The following ZNF469 variants were observed in gnomAD, a reference collection of about 807,000 sequenced individuals.
ZNF469 encodes zinc finger protein 469.
ZNF469 carries 1 observed loss-of-function variant against 1.0 expected under a neutral mutation model. The ratio of observed to expected loss-of-function variants is 1.00; its 90% CI spans 0.35 to 4.73. The LOEUF is 4.73. ZNF469 is among the 30% of genes most tolerant of loss of function. The probability of loss-of-function intolerance (pLI) is 0.16; values close to 1 mark genes in which losing one functional copy is unlikely to be tolerated. For missense variants in ZNF469, 6,100 were observed against 5,356.3 expected (o/e 1.14, Z -4.33); for synonymous variants, 2,703 against 2,363.4 (o/e 1.14, Z -4.17).
At chr16:88,259,848 C>G in the ZNF469 span, among the ~76,000 whole-genome samples, 5 of 152,246 alleles carry the variant, frequency 3.3e-5, no homozygotes, top group African/African-American at 4.8e-5. The surrounding 1 kb of genome is among the most constrained non-coding windows in gnomAD (Gnocchi z 4.1). Context: ...TCCTGGACAT[C>G]TGAGCAGCAG....
At chr16:88,164,522 T>C in the ZNF469 span, among the ~76,000 whole-genome samples, 19 of 152,224 alleles carry the variant, frequency 1.2e-4, no homozygotes, top group Non-Finnish European at 8.8e-5. Flanking sequence ...GATGAATGTG[T>C]GGGTGGATGG....
chr16:88,322,013 G>A, the ZNF469 span, among the ~76,000 whole-genome samples: 1 of 152,236 alleles, frequency 6.6e-6, no homozygotes, highest in East Asian at 1.9e-4. Flanking sequence ...GATCTCTGTG[G>A]GATGAGAGGG....
At position 88,439,236 on chromosome 16, in the gene ZNF469, C is replaced by G. The variant is rs916013953; in HGVS notation, c.11766C>G (p.His3922Gln). Reference protein sequence around the residue: ...HGAEPAEPHTHRTAEAQSDLL... With the variant: ...HGAEPAEPHTQRTAEAQSDLL... ...CTGAACCTGCCGAGCCACACACCCA[C>G]CGGACGGCCGAGGCCCAGAGTGACC... is the stretch of plus-strand genomic sequence containing the variant. The change falls in exon 3 of 3, where the codon CAC becomes CAG. Residue 3922 changes from histidine (H) to glutamine (Q), a missense_variant. Transcript: ENST00000565624. 14 of 1,550,508 alleles carry G rather than the reference C, an allele frequency of 9.0e-6. No homozygotes were observed. Among genetic ancestry groups the G allele is most frequent in the Non-Finnish European group, 1.2e-5 (14 of 1,146,994 alleles).
intron 1 of ZNF469, among the ~76,000 whole-genome samples, chr16:88,397,643 G>T (rs1428369219): frequency 0.015 from 1,859 of 124,984 alleles, 28 homozygotes; most frequent in African/African-American, 0.037. Context: ...ATGGATGGAT[G>T]GATATAAATA....
the ZNF469 span, among the ~76,000 whole-genome samples, chr16:88,206,836 C>T: frequency 2.9e-5 from 2 of 68,660 alleles, no homozygotes; most frequent in African/African-American, 6.3e-5. Flanking sequence ...GGGGAGGCCG[C>T]GGGGACGGAG....
intron 1 of ZNF469, among the ~76,000 whole-genome samples, chr16:88,414,380 G>A (rs941707476): frequency 1.3e-5 from 2 of 152,362 alleles, no homozygotes; most frequent in African/African-American, 4.8e-5. Flanking sequence ...TGGCCTCGGG[G>A]GCACCTGGAG....
chr16:88,329,626 G>A, the ZNF469 span, among the ~76,000 whole-genome samples: 7 of 152,214 alleles, frequency 4.6e-5, no homozygotes, highest in African/African-American at 7.2e-5. Context: ...TCCTGGGAGC[G>A]CTTCGGTCCC....
chr16:88,208,920 G>T, the ZNF469 span, among the ~76,000 whole-genome samples: 5 of 151,164 alleles, frequency 3.3e-5, no homozygotes, highest in African/African-American at 1.2e-4. Context: ...GGCCAGGTCT[G>T]CCCTCTACCA....
At chr16:88,396,624 A>AGGCCGGGC (rs1904675154) in intron 1 of ZNF469, among the ~76,000 whole-genome samples, 1 of 144,314 alleles carries the variant, frequency 6.9e-6, no homozygotes, top group African/African-American at 2.6e-5. Context: ...GGAGGCCGGG[A>AGGCCGGGC]GGAGACCCTC....
intron 1 of ZNF469, among the ~76,000 whole-genome samples, chr16:88,399,502 G>A (rs1003138057): frequency 6.6e-6 from 1 of 152,200 alleles, no homozygotes; most frequent in Admixed American, 6.5e-5. Flanking sequence ...GGCTGCGTGA[G>A]AAGCCCGGCT....
Position 88,435,425 on chromosome 16 carries a change from C to G in ZNF469, c.7955C>G (p.Ser2652Cys). 1 of 1,550,302 alleles carries G rather than the reference C, an allele frequency of 6.5e-7. No individual in the cohort carries two copies. Among genetic ancestry groups the G allele is most frequent in the Non-Finnish European group, 8.7e-7 (1 of 1,146,986 alleles). The change falls in exon 3 of 3, where the codon TCT becomes TGT. Residue 2652 changes from serine (S) to cysteine (C), a missense_variant. By Grantham distance (112) the Ser-to-Cys change is moderately radical (BLOSUM62 -1). Coordinates refer to ENST00000565624, the MANE Select transcript of ZNF469 (RefSeq NM_001367624.2). ...CGGGAGGAGAGCATTCTTCCAGTCT[C>G]TGCTGATGTGATTTCAGATGGGCGC... ...RLREESILPVSADVISDGRGS... is the reference protein window; with the variant it reads ...RLREESILPVCADVISDGRGS...
the ZNF469 span, among the ~76,000 whole-genome samples, chr16:88,154,147 T>C: frequency 1.3e-5 from 2 of 152,146 alleles, no homozygotes; most frequent in African/African-American, 4.8e-5. Context: ...ATCTTTTTTG[T>C]TTGTTGGTTT....
chr16:88,154,296 T>A, the ZNF469 span, among the ~76,000 whole-genome samples: 1 of 152,328 alleles, frequency 6.6e-6, no homozygotes, highest in East Asian at 1.9e-4. Context: ...TAGCTGGAAT[T>A]ACAGGCATGC....
chr16:88,355,166 C>G, the ZNF469 span, among the ~76,000 whole-genome samples: 2 of 152,192 alleles, frequency 1.3e-5, no homozygotes, highest in Non-Finnish European at 2.9e-5. Context: ...CAGCCTCGGC[C>G]TCTCAACTCT....
At chr16:88,231,410 A>G in the ZNF469 span, among the ~76,000 whole-genome samples, 25 of 152,382 alleles carry the variant, frequency 1.6e-4, no homozygotes, top group African/African-American at 5.8e-4. This position sits in a 1 kb window ranked among gnomAD's most constrained non-coding sequence, Gnocchi z 4.5. Flanking sequence ...CTTGGAATCC[A>G]CAGAGGACAG....
chr16:88,125,554 C>G, the ZNF469 span, among the ~76,000 whole-genome samples: 3 of 152,180 alleles, frequency 2.0e-5, no homozygotes, highest in Non-Finnish European at 2.9e-5. Flanking sequence ...ATCGAGTAAT[C>G]CAATCCATGA....
chr16:88,411,091 A>G lies in ZNF469; in HGVS notation c.-191-13716A>G, dbSNP rs368660472. On this transcript the variant is annotated intron_variant, in intron 1 of 2. Transcript: ENST00000565624. ...AATCCAGGGCGACTCCTCTTAGCTA[A>G]TCGCATCTGCAAAGACCCTATGTCT... is the stretch of plus-strand genomic sequence containing the variant. Among the ~76,000 whole-genome samples the G allele has an allele frequency of 5.3e-5, 8 of 152,244 alleles. No individual in the cohort carries two copies. In the East Asian group the frequency reaches 1.5e-3, roughly 29 times the overall value.
At chr16:88,193,261 GTGGTAGTGGTGATGGTGGTGGTGGAGA>G in the ZNF469 span, among the ~76,000 whole-genome samples, 1 of 134,372 alleles carries the variant, frequency 7.4e-6, no homozygotes, top group South Asian at 2.6e-4. Context: ...GGTGGTGATG[GTGGTAGTGGTGATGGTGGTGGTGGAGA>G]TGGTGGTGGT....
chr16:88,263,646 C>T, the ZNF469 span, among the ~76,000 whole-genome samples: 1 of 152,132 alleles, frequency 6.6e-6, no homozygotes, highest in African/African-American at 2.4e-5. Flanking sequence ...GTGCAGTGGG[C>T]AGCTCAAGCC....
Sources: allele counts gnomAD v4.1 joint callset (sites outside exome capture counted in the v4.1 genomes callset), GRCh38; gene constraint gnomAD v4.1.1; non-coding constraint Gnocchi (gnomAD v3.1); transcripts MANE v1.5; gene names NCBI Gene and HGNC (gene_info 2026-07-23, HGNC 2026-07-21).